The following CHST3 variants were observed in gnomAD, a reference collection of about 807,000 sequenced individuals.
CHST3 encodes the protein C6ST-1.
CHST3 carries 20 observed loss-of-function variants against 35.4 expected under a neutral mutation model. The observed-to-expected ratio is 0.57, with a 90% CI of 0.40 to 0.82. The LOEUF is 0.82. Ranked by LOEUF, CHST3 falls within the 40% of genes least tolerant of loss-of-function variation. The pLI is 0.00. For missense variants in CHST3, 693 were observed against 670.1 expected, an observed-to-expected ratio of 1.03 and a Z score of -0.38; for synonymous variants, 334 against 295.9, an observed-to-expected ratio of 1.13 and a Z score of -1.32.
chr10:72,005,482 G>A (rs187753121), intron 1 of CHST3, among the ~76,000 whole-genome samples: 15 of 152,212 alleles, frequency 9.9e-5, no homozygotes, highest in Admixed American at 4.6e-4. Flanking sequence ...ATTCTTTTCC[G>A]TGCACAGGCC....
intron 1 of CHST3, among the ~76,000 whole-genome samples, chr10:71,989,803 T>C (rs1839880783): frequency 6.6e-6 from 1 of 152,240 alleles, no homozygotes; most frequent in Non-Finnish European, 1.5e-5. Flanking sequence ...AGCATTTGCA[T>C]GGATCCAGTC....
intron 1 of CHST3, among the ~76,000 whole-genome samples, chr10:71,964,977 A>T (rs572270664): frequency 6.6e-6 from 1 of 152,330 alleles, no homozygotes; most frequent in Admixed American, 6.5e-5. Context: ...GGCCAGGCAC[A>T]TGCCACACAC....
intron 1 of CHST3, among the ~76,000 whole-genome samples, chr10:71,968,996 C>T (rs1839659323): frequency 7.2e-6 from 1 of 139,446 alleles, no homozygotes; most frequent in Admixed American, 7.3e-5. Context: ...CCAGGGTAAT[C>T]TATTACCTGG....
chr10:71,985,913 G>C (rs1367867672), intron 1 of CHST3, among the ~76,000 whole-genome samples: 6 of 152,036 alleles, frequency 3.9e-5, no homozygotes, highest in Non-Finnish European at 5.9e-5. Context: ...GGCAATACTA[G>C]TCTGTTCTCC....
chr10:72,002,836 A>C (rs1395837948), intron 1 of CHST3, among the ~76,000 whole-genome samples: 1 of 152,230 alleles, frequency 6.6e-6, no homozygotes, highest in African/African-American at 2.4e-5. Context: ...AACAGCTACC[A>C]GGCACCAGCC....
At chr10:71,983,793 C>G (rs745740643) in intron 1 of CHST3, among the ~76,000 whole-genome samples, 1 of 152,038 alleles carries the variant, frequency 6.6e-6, no homozygotes, top group Non-Finnish European at 1.5e-5. Context: ...GAAATACAAA[C>G]AAATACAGAG....
intron 1 of CHST3, among the ~76,000 whole-genome samples, chr10:71,965,884 C>T (rs758946437): frequency 1.3e-5 from 2 of 152,184 alleles, no homozygotes; most frequent in African/African-American, 2.4e-5. Flanking sequence ...CACTGTGTCC[C>T]GTGGGCTGGC....
At chr10:72,000,797 CCT>C (rs1272791444) in intron 1 of CHST3, among the ~76,000 whole-genome samples, 3 of 151,904 alleles carry the variant, frequency 2.0e-5, no homozygotes, top group Admixed American at 6.6e-5. Context: ...CAGGTGTTCC[CCT>C]GTCTGGGTGG....
At chr10:71,985,085 A>C (rs1393566332) in intron 1 of CHST3, among the ~76,000 whole-genome samples, 1 of 152,252 alleles carries the variant, frequency 6.6e-6, no homozygotes, top group African/African-American at 2.4e-5. Context: ...TGAGCCGTTC[A>C]AAGATAACCC....
intron 1 of CHST3, among the ~76,000 whole-genome samples, chr10:72,001,598 C>G (rs972000419): frequency 6.6e-6 from 1 of 152,058 alleles, no homozygotes; most frequent in East Asian, 1.9e-4. Context: ...CTCCGCCTCC[C>G]AAATAGCTGG....
chr10:71,973,364 G>A (rs1344446035), intron 1 of CHST3, among the ~76,000 whole-genome samples: 5 of 152,154 alleles, frequency 3.3e-5, no homozygotes, highest in Non-Finnish European at 4.4e-5. Context: ...CTGCACTCTG[G>A]GCCCACTGCT....
chr10:71,971,660 T>G (rs1305531875), intron 1 of CHST3, among the ~76,000 whole-genome samples: 1 of 152,344 alleles, frequency 6.6e-6, no homozygotes, highest in South Asian at 2.1e-4. Context: ...AGGAAATATT[T>G]TGAAAACACA....
chr10:72,006,491 G>T (rs1840039792), intron 2 of CHST3, among the ~76,000 whole-genome samples: 1 of 152,148 alleles, frequency 6.6e-6, no homozygotes. Flanking sequence ...TCCTAGTATG[G>T]ATACTCTGAT....
At chr10:72,000,027 G>A (rs1216221938) in intron 1 of CHST3, among the ~76,000 whole-genome samples, 2 of 152,184 alleles carry the variant, frequency 1.3e-5, no homozygotes, top group South Asian at 2.1e-4. Flanking sequence ...GTGAAGTTTT[G>A]CCCACAGTTG....
At chr10:71,985,598 C>T (rs1367534078) in intron 1 of CHST3, among the ~76,000 whole-genome samples, 1 of 152,214 alleles carries the variant, frequency 6.6e-6, no homozygotes, top group Non-Finnish European at 1.5e-5. Context: ...ACTGCCCCAC[C>T]TCTACTTCCA....
chr10:71,978,404 A>T (rs1348450358), intron 1 of CHST3, among the ~76,000 whole-genome samples: 1 of 149,954 alleles, frequency 6.7e-6, no homozygotes, highest in East Asian at 1.9e-4. Context: ...CTGGGCTTGG[A>T]TCTCCAACAT....
At chr10:71,984,867 C>CAA (rs1332491819) in intron 1 of CHST3, among the ~76,000 whole-genome samples, 3 of 152,234 alleles carry the variant, frequency 2.0e-5, no homozygotes, top group Non-Finnish European at 4.4e-5. Flanking sequence ...GTGCCTGGTT[C>CAA]CATGCTTGGC....
intron 1 of CHST3, among the ~76,000 whole-genome samples, chr10:71,976,872 T>C (rs1034405905): frequency 2.6e-5 from 4 of 152,228 alleles, no homozygotes; most frequent in African/African-American, 9.6e-5. Flanking sequence ...TTTATTAAAT[T>C]GTATAAAATC....
rs1374246687 is a variant in CHST3, at chr10:72,007,328, G to C, written c.297G>C (p.Leu99Phe). Reference sequence around the variant, plus strand: ...AGAGCCGTCTCCGCAACCTCAGCTTGCAGCTGGGCGTGGAGCCAGCCATGG... The same window carrying C: ...AGAGCCGTCTCCGCAACCTCAGCTTCCAGCTGGGCGTGGAGCCAGCCATGG... ...QLQSRLRNLS[L>F]QLGVEPAMEA... Residue 99 changes from leucine (L) to phenylalanine (F), a missense_variant, in exon 3 of 3, where the codon TTG becomes TTC. By Grantham distance (22) the Leu-to-Phe change is conservative. Coordinates refer to ENST00000373115, the MANE Select transcript of CHST3 (RefSeq NM_004273.5). 6.2e-7 allele frequency: 1 copy of C among 1,611,042 alleles called. No homozygotes were observed. The highest frequency in any genetic ancestry group is 8.5e-7 in the Non-Finnish European group (1 of 1,178,710).
Sources: allele counts gnomAD v4.1 joint callset (sites outside exome capture counted in the v4.1 genomes callset), GRCh38; gene constraint gnomAD v4.1.1; transcripts MANE v1.5; gene names NCBI Gene and HGNC (gene_info 2026-07-23, HGNC 2026-07-21).